Variants in SYT1 observed in about 807,000 individuals in gnomAD.
SYT1 encodes synaptotagmin 1, also known as synaptotagmin-1.
SYT1 carries 8 observed loss-of-function variants against 44.8 expected under a neutral mutation model. The ratio of observed to expected loss-of-function variants is 0.18; its 90% CI spans 0.10 to 0.32. The LOEUF (loss-of-function observed/expected upper bound fraction) is 0.32, where lower values mean the gene tolerates loss of function less well. SYT1 is among the 10% of genes least tolerant of loss of function. The pLI, the probability that SYT1 is intolerant of heterozygous loss-of-function variation, is 1.00. For synonymous variants in SYT1, 154 were observed against 188.8 expected (o/e 0.82, Z 1.51); for missense variants, 286 against 509.3 (o/e 0.56, Z 4.22).
intron 9 of SYT1, among the ~76,000 whole-genome samples, chr12:79,417,480 C>G (rs1385736294): frequency 1.3e-5 from 2 of 152,106 alleles, no homozygotes; most frequent in African/African-American, 4.8e-5. Context: ...AAGCCCAGCC[C>G]CCTTGGCTCC....
chr12:79,232,153 A>G (rs1875907570), intron 4 of SYT1, among the ~76,000 whole-genome samples: 2 of 152,218 alleles, frequency 1.3e-5, no homozygotes, highest in Non-Finnish European at 2.9e-5. Flanking sequence ...GCTTAAAACA[A>G]TGTCTGGAAT....
At chr12:79,220,379 T>C (rs1004249363) in intron 4 of SYT1, among the ~76,000 whole-genome samples, 1 of 152,040 alleles carries the variant, frequency 6.6e-6, no homozygotes, top group Non-Finnish European at 1.5e-5. Context: ...TTTGTTGATC[T>C]TTTCTGTTGT....
intron 3 of SYT1, among the ~76,000 whole-genome samples, chr12:79,161,995 CAAAG>C (rs1238256719): frequency 6.6e-6 from 1 of 152,096 alleles, no homozygotes; most frequent in Admixed American, 6.6e-5. Context: ...ATTCCACACA[CAAAG>C]AAAAGGTTTT....
chr12:79,009,416 A>G (rs923330659), intron 2 of SYT1, among the ~76,000 whole-genome samples: 7 of 152,178 alleles, frequency 4.6e-5, no homozygotes, highest in African/African-American at 1.7e-4. Context: ...TGACCTCAGA[A>G]TAATCTTTGG....
At chr12:79,355,249 T>C (rs1171171024) in intron 9 of SYT1, among the ~76,000 whole-genome samples, 2 of 152,162 alleles carry the variant, frequency 1.3e-5, no homozygotes, top group African/African-American at 4.8e-5. Context: ...CTTACAGTCA[T>C]ATAATGTATA....
At chr12:79,061,553 A>G (rs1449051568) in intron 3 of SYT1, among the ~76,000 whole-genome samples, 4 of 152,158 alleles carry the variant, frequency 2.6e-5, no homozygotes, top group Non-Finnish European at 4.4e-5. Flanking sequence ...GGCCACAAAA[A>G]TGAATGGGAC....
chr12:79,308,947 C>T (rs1374446800), intron 8 of SYT1, among the ~76,000 whole-genome samples: 1 of 152,206 alleles, frequency 6.6e-6, no homozygotes, highest in African/African-American at 2.4e-5. Flanking sequence ...ATTCCAAAAC[C>T]ATAGCTATTA....
intron 2 of SYT1, among the ~76,000 whole-genome samples, chr12:79,036,847 G>A (rs1002620934): frequency 6.6e-6 from 1 of 151,458 alleles, no homozygotes; most frequent in Non-Finnish European, 1.5e-5. Flanking sequence ...TTTAATAAAC[G>A]GACCTGTATG....
chr12:78,948,522 A>G (rs1878790592), intron 1 of SYT1, among the ~76,000 whole-genome samples: 1 of 152,038 alleles, frequency 6.6e-6, no homozygotes, highest in African/African-American at 2.4e-5. Flanking sequence ...TCTGTTCTAT[A>G]TAATTCTATA....
At chr12:79,009,175 G>C (rs1871269912) in intron 2 of SYT1, among the ~76,000 whole-genome samples, 1 of 152,086 alleles carries the variant, frequency 6.6e-6, no homozygotes, top group African/African-American at 2.4e-5. Flanking sequence ...AATATTTTAA[G>C]AGCTCTATAA....
intron 3 of SYT1, among the ~76,000 whole-genome samples, chr12:79,166,097 A>G (rs1295454810): frequency 6.6e-6 from 1 of 152,010 alleles, no homozygotes; most frequent in Non-Finnish European, 1.5e-5. Context: ...TGATTATTCA[A>G]AACGTGGAAC....
intron 3 of SYT1, among the ~76,000 whole-genome samples, chr12:79,177,078 G>T (rs1871931176): frequency 7.4e-6 from 1 of 135,136 alleles, no homozygotes; most frequent in African/African-American, 2.8e-5. Context: ...TAAGTTTTAG[G>T]GTACATGTGC....
intron 1 of SYT1, among the ~76,000 whole-genome samples, chr12:78,976,138 A>ATTT (rs1868815546): frequency 2.0e-5 from 3 of 152,222 alleles, no homozygotes; most frequent in African/African-American, 7.2e-5. Flanking sequence ...TTACCAATTT[A>ATTT]TAAAAATATT....
chr12:79,208,140 C>T (rs1874233686), intron 3 of SYT1, among the ~76,000 whole-genome samples: 1 of 152,128 alleles, frequency 6.6e-6, no homozygotes, highest in South Asian at 2.1e-4. Flanking sequence ...CATGCTTTCC[C>T]ACCTGCTTCC....
At chr12:79,300,798 T>TATATATATATAC (rs1880108693) in intron 8 of SYT1, among the ~76,000 whole-genome samples, 1 of 134,776 alleles carries the variant, frequency 7.4e-6, no homozygotes, top group Non-Finnish European at 1.6e-5. Flanking sequence ...ATTATATATA[T>TATATATATATAC]ATATATATAT....
At chr12:79,436,339 A>G (rs778853578) in intron 9 of SYT1, among the ~76,000 whole-genome samples, 1 of 152,208 alleles carries the variant, frequency 6.6e-6, no homozygotes, top group Non-Finnish European at 1.5e-5. Flanking sequence ...ACCTGAAGAT[A>G]CTCAGAAGCT....
intron 1 of SYT1, among the ~76,000 whole-genome samples, chr12:78,927,456 A>T (rs1172550476): frequency 1.3e-5 from 2 of 152,136 alleles, no homozygotes; most frequent in African/African-American, 4.8e-5. Context: ...CATTTAAAAA[A>T]TTTTGTGTCT....
chr12:79,366,899 T>C (rs976030941), intron 9 of SYT1, among the ~76,000 whole-genome samples: 2 of 61,956 alleles, frequency 3.2e-5, no homozygotes, highest in African/African-American at 1.1e-4. Context: ...TAATACTGTG[T>C]GTGTGTGTGT....
chr12:78,976,685 A>G (rs1029357037), intron 1 of SYT1: 10 of 152,230 alleles, frequency 6.6e-5, no homozygotes, highest in African/African-American at 2.4e-4. Context: ...AAGACAGTAG[A>G]ACGATGTGAT....
Sources: gnomAD v4.1 joint callset for allele counts (sites outside exome capture counted in the v4.1 genomes callset) on GRCh38, gnomAD v4.1.1 for gene constraint, MANE v1.5 for transcripts, NCBI Gene and HGNC (gene_info 2026-07-23, HGNC 2026-07-21) for gene names.